Variants in GRIN2A observed in about 807,000 individuals in gnomAD.
GRIN2A encodes the protein glutamate ionotropic receptor NMDA type subunit 2A.
In GRIN2A, 22 loss-of-function variants were observed where a neutral mutation model predicts 113.4. That is an observed-to-expected ratio of 0.19 (90% CI 0.14 to 0.28). The LOEUF (loss-of-function observed/expected upper bound fraction) is 0.28. Among genes scored for constraint, GRIN2A ranks in the 10% least tolerant of loss-of-function variants. The pLI is 1.00. For missense variants in GRIN2A, 1,502 were observed against 1,887.0 expected (o/e 0.80, Z 3.78); for synonymous variants, 827 against 738.4 (o/e 1.12, Z -1.94).
chr16:9,801,810 C>A (rs970012386), intron 10 of GRIN2A, among the ~76,000 whole-genome samples: 13 of 152,236 alleles, frequency 8.5e-5, no homozygotes, highest in Admixed American at 5.2e-4. Flanking sequence ...CACAATTGGG[C>A]CAGCCCTCCA....
intron 2 of GRIN2A, among the ~76,000 whole-genome samples, chr16:10,001,656 T>A (rs1295191603): frequency 6.6e-6 from 1 of 152,306 alleles, no homozygotes; most frequent in African/African-American, 2.4e-5. Flanking sequence ...CGTTCTTAAC[T>A]ATGATTCATG....
At chr16:9,914,047 G>C (rs1313888336) in intron 3 of GRIN2A, among the ~76,000 whole-genome samples, 3 of 151,324 alleles carry the variant, frequency 2.0e-5, no homozygotes, top group Non-Finnish European at 4.4e-5. Flanking sequence ...TTAGAATAGA[G>C]GCTCCCAAGA....
intron 10 of GRIN2A, among the ~76,000 whole-genome samples, chr16:9,810,003 G>C (rs1177773817): frequency 1.3e-5 from 2 of 152,202 alleles, no homozygotes. Context: ...AGGAGGTAGA[G>C]GTTGCAGTGG....
In GRIN2A at chr16:9,769,057, T is replaced by C; in HGVS notation, c.2389A>G (p.Thr797Ala). 1 of 1,614,146 alleles carries C rather than the reference T, an allele frequency of 6.2e-7. No individual in the cohort carries two copies. Among genetic ancestry groups the C allele is most frequent in the Non-Finnish European group, 8.5e-7 (1 of 1,179,984 alleles). The change falls in exon 12 of 13, where the codon ACT (threonine) becomes GCT (alanine). Residue 797 changes from threonine to alanine, a missense_variant. Physicochemically the swap from Thr to Ala is moderately conservative, Grantham distance 58 (BLOSUM62 0). Around this residue, in one of 7 missense-constraint regions of GRIN2A, gnomAD observed 101 missense variants for 240.4 expected, o/e 0.42. Transcript: ENST00000330684. ...TTCTTCTCGTTGTGGCAGATCCCAG[T>C]GAGCCACAGGGTCTCCAGCTCCTCC... ...EMEELETLWL[T>A]GICHNEKNEV...
Position 10,081,270 on chromosome 16 carries a change from G to C in GRIN2A, c.414+98728C>G, listed in dbSNP as rs1421589843. Among the ~76,000 whole-genome samples, 6 of 152,290 alleles carry C rather than the reference G, an allele frequency of 3.9e-5. No homozygotes were observed. In the South Asian group the frequency reaches 1.2e-3, roughly 32 times the overall value. ...CTGATGCCCTGGATTAAGGTGCCTG[G>C]TTAATTCCACTTGCCTGGTTTCCTT... On this transcript the variant is annotated intron_variant, in intron 2 of 12. Transcript: ENST00000330684.
rs1429303942 is a variant in GRIN2A at position 9,754,425 on chromosome 16, T to G, written c.*8724A>C. 9.5e-6 allele frequency: 2 copies of G among 210,870 alleles called. No individual in the cohort carries two copies. Among genetic ancestry groups the G allele is most frequent in the Middle Eastern group, 1.5e-3 (1 of 666 alleles). 13.1% of individuals were successfully genotyped at this position (210,870 alleles called of 1,614,324 possible). On this transcript the variant is annotated 3_prime_UTR_variant, in exon 13 of 13. Coordinates refer to ENST00000330684, the MANE Select transcript of GRIN2A (RefSeq NM_001134407.3). ...AAATGTTATTCTTGAACTTATATCTTAAGTAGGCAATTAGCATCCCTTCCC... is the reference window on the plus strand; with the variant it reads ...AAATGTTATTCTTGAACTTATATCTGAAGTAGGCAATTAGCATCCCTTCCC...
At chr16:9,817,807 C>T (rs537694593) in intron 10 of GRIN2A, among the ~76,000 whole-genome samples, 1 of 152,314 alleles carries the variant, frequency 6.6e-6, no homozygotes, top group South Asian at 2.1e-4. Context: ...CTTTGCTAGG[C>T]AGCAGATGTT....
intron 2 of GRIN2A, among the ~76,000 whole-genome samples, chr16:9,943,490 C>T (rs2044940583): frequency 6.6e-6 from 1 of 152,168 alleles, no homozygotes; most frequent in African/African-American, 2.4e-5. Context: ...CACCTGACTC[C>T]ATGGGTACCA....
chr16:10,083,858 T>G (rs1020876128), intron 2 of GRIN2A, among the ~76,000 whole-genome samples: 2 of 152,154 alleles, frequency 1.3e-5, no homozygotes, highest in African/African-American at 2.4e-5. Context: ...TCCCAGAACT[T>G]TGGGAGGCCA....
At chr16:10,118,390 G>T (rs1405730669) in intron 2 of GRIN2A, among the ~76,000 whole-genome samples, 1 of 151,880 alleles carries the variant, frequency 6.6e-6, no homozygotes, top group Non-Finnish European at 1.5e-5. Context: ...TTCCCGCCCC[G>T]ATACTTGCGA....
At chr16:10,033,380 G>C (rs1327246813) in intron 2 of GRIN2A, among the ~76,000 whole-genome samples, 1 of 152,158 alleles carries the variant, frequency 6.6e-6, no homozygotes, top group Admixed American at 6.5e-5. Context: ...CAGAAACCCA[G>C]AGCCTGGAGG....
At chr16:9,885,321 T>C (rs1305709690) in intron 4 of GRIN2A, among the ~76,000 whole-genome samples, 2 of 152,134 alleles carry the variant, frequency 1.3e-5, no homozygotes, top group African/African-American at 2.4e-5. Context: ...TTGAGGCATC[T>C]AGGGTTTTGT....
At chr16:10,159,467 C>A (rs2049768900) in intron 2 of GRIN2A, among the ~76,000 whole-genome samples, 1 of 152,188 alleles carries the variant, frequency 6.6e-6, no homozygotes, top group South Asian at 2.1e-4. Flanking sequence ...AGGACTATAT[C>A]TAGAGAAGAG....
At chr16:10,043,776 C>T (rs7193471) in intron 2 of GRIN2A, among the ~76,000 whole-genome samples, 13,869 of 152,012 alleles carry the variant, frequency 0.091, 725 homozygotes, top group Non-Finnish European at 0.11. Flanking sequence ...GTGCCAAATA[C>T]TCCTTTTGTT....
intron 2 of GRIN2A, among the ~76,000 whole-genome samples, chr16:10,078,170 A>C (rs1351806373): frequency 1.3e-5 from 2 of 152,240 alleles, no homozygotes; most frequent in African/African-American, 4.8e-5. Flanking sequence ...TAATAATGAC[A>C]ACAACAATAA....
rs370200339 is a variant in GRIN2A, at chr16:10,094,384, A to T, written c.414+85614T>A. Reference sequence around the variant, plus strand: ...GCTTCTTCATCTATAGAATGTGGGTATACATGAGGGGATTTTTTTAGAACT... The same window carrying T: ...GCTTCTTCATCTATAGAATGTGGGTTTACATGAGGGGATTTTTTTAGAACT... On this transcript the variant is annotated intron_variant, in intron 2 of 12. Coordinates refer to ENST00000330684, the MANE Select transcript of GRIN2A (RefSeq NM_001134407.3). Among the ~76,000 whole-genome samples, 6 of 152,180 alleles carry T rather than the reference A, an allele frequency of 3.9e-5. No homozygotes were observed. In the South Asian group the frequency reaches 1.2e-3, roughly 32 times the overall value.
chr16:10,128,021 T>C (rs35502861), intron 2 of GRIN2A, among the ~76,000 whole-genome samples: 13,776 of 152,066 alleles, frequency 0.091, 665 homozygotes, highest in Middle Eastern at 0.12. Context: ...GTCACCCATA[T>C]AAGAACTCAA....
intron 2 of GRIN2A, among the ~76,000 whole-genome samples, chr16:10,041,501 T>C (rs888889132): frequency 1.3e-5 from 2 of 152,146 alleles, no homozygotes; most frequent in African/African-American, 4.8e-5. Context: ...CAAGGTGGTG[T>C]CCCCTCAGTT....
At chr16:9,768,367 G>A (rs981198477) in intron 12 of GRIN2A, among the ~76,000 whole-genome samples, 1 of 152,022 alleles carries the variant, frequency 6.6e-6, no homozygotes, top group Non-Finnish European at 1.5e-5. Context: ...ATTTTTACAT[G>A]GAATTAGTTA....
Sources: allele counts gnomAD v4.1 joint callset (sites outside exome capture counted in the v4.1 genomes callset), GRCh38; gene constraint gnomAD v4.1.1; regional missense constraint gnomAD v4.1.1; transcripts MANE v1.5; gene names NCBI Gene and HGNC (gene_info 2026-07-23, HGNC 2026-07-21).